Variants in SLC25A13 observed in about 807,000 individuals in gnomAD.
SLC25A13 encodes electrogenic aspartate/glutamate antiporter SLC25A13, mitochondrial.
A neutral mutation model predicts 85.5 loss-of-function variants in SLC25A13; 70 were observed. That is an observed-to-expected ratio of 0.82 (90% CI 0.68 to 1.00). The LOEUF is 1.00. Among genes scored for constraint, SLC25A13 ranks in the 50% least tolerant of loss-of-function variants. The pLI is 0.00. For missense variants in SLC25A13, 765 were observed against 819.8 expected, an observed-to-expected ratio of 0.93 and a Z score of 0.82; for synonymous variants, 259 against 288.7, an observed-to-expected ratio of 0.90 and a Z score of 1.04.
At position 96,263,026 on chromosome 7, in the gene SLC25A13, G is replaced by GAAA. The variant is rs5885951; in HGVS notation, c.212+14167_212+14169dup. ...TTCATCCTTTGGTCCAACCATCTAG[G>GAAA]AAAAAAAAAAAAAAAAAAACAGCAG... On this transcript the variant is annotated intron_variant, in intron 3 of 17. Coordinates refer to ENST00000265631, the MANE Select transcript of SLC25A13 (RefSeq NM_014251.3). Among the ~76,000 whole-genome samples the GAAA allele has an allele frequency of 1.3e-3, 173 of 133,250 alleles. 3 individuals are homozygous for GAAA. The highest frequency in any genetic ancestry group is 2.9e-3 in the Admixed American group (38 of 13,210). 87.4% of individuals were successfully genotyped at this position (133,250 alleles called of 152,430 possible).
At chr7:96,232,458 G>A (rs1249149855) in intron 4 of SLC25A13, among the ~76,000 whole-genome samples, 1 of 152,030 alleles carries the variant, frequency 6.6e-6, no homozygotes. Flanking sequence ...GAAGGTGGGA[G>A]GAGGGAGAGA....
At chr7:96,185,203 A>C (rs1259023194) in intron 9 of SLC25A13, among the ~76,000 whole-genome samples, 192 bp from the exon 10 acceptor site, 1 of 152,244 alleles carries the variant, frequency 6.6e-6, no homozygotes, top group East Asian at 1.9e-4. Context: ...TAGTGCTATT[A>C]ATGTTTAAAA....
intron 13 of SLC25A13, chr7:96,166,979 C>T (rs1336851315): frequency 6.6e-6 from 1 of 152,190 alleles, no homozygotes; most frequent in East Asian, 1.9e-4. Flanking sequence ...AACTACAACC[C>T]TAATTTAGAA....
chr7:96,136,775 C>T (rs942091009), intron 14 of SLC25A13, among the ~76,000 whole-genome samples: 1 of 152,168 alleles, frequency 6.6e-6, no homozygotes, highest in Non-Finnish European at 1.5e-5. Flanking sequence ...TCGGGCCGGG[C>T]ACCAGGAGCC....
At chr7:96,139,058 T>C (rs1321534708) in intron 14 of SLC25A13, among the ~76,000 whole-genome samples, 2 of 152,184 alleles carry the variant, frequency 1.3e-5, no homozygotes, top group African/African-American at 4.8e-5. Context: ...GAAAAGTTGA[T>C]AACAACTAAC....
intron 3 of SLC25A13, among the ~76,000 whole-genome samples, chr7:96,250,066 C>T (rs140307772): frequency 1.2e-3 from 175 of 152,010 alleles, no homozygotes; most frequent in African/African-American, 4.1e-3. Context: ...GCCTGTGATC[C>T]CAGCTAATCA....
chr7:96,170,154 T>C, intron 12 of SLC25A13, 29 bp from the exon 13 acceptor site: 2 of 1,588,206 alleles, frequency 1.3e-6, no homozygotes, highest in African/African-American at 1.3e-5. Flanking sequence ...TAGAAGCTGA[T>C]GAAAAATATA....
At chr7:96,223,775 G>A (rs868079372) in intron 4 of SLC25A13, among the ~76,000 whole-genome samples, 6 of 137,530 alleles carry the variant, frequency 4.4e-5, no homozygotes, top group African/African-American at 8.2e-5. Flanking sequence ...GCAACAGAGC[G>A]AGACTCCATC....
At chr7:96,128,958 C>CTCTCTCTCTG (rs1791879676) in intron 15 of SLC25A13, among the ~76,000 whole-genome samples, 1 of 148,192 alleles carries the variant, frequency 6.7e-6, no homozygotes, top group Non-Finnish European at 1.5e-5. Flanking sequence ...CTCTCTCTCT[C>CTCTCTCTCTG]TCTCTCTCTC....
chr7:96,294,610 G>GAAA (rs776263797), intron 2 of SLC25A13, among the ~76,000 whole-genome samples: 2 of 135,108 alleles, frequency 1.5e-5, no homozygotes, highest in Non-Finnish European at 3.1e-5. Context: ...CTCTGTCTCA[G>GAAA]AAAAAAAAAA....
At chr7:96,131,929 T>C (rs748352021) in intron 14 of SLC25A13, 48 bp from the exon 15 acceptor site, 34 of 1,612,768 alleles carry the variant, frequency 2.1e-5, no homozygotes, top group Non-Finnish European at 2.7e-5. Flanking sequence ...CATATCCCAT[T>C]GAGGAGATCA....
At chr7:96,226,301 C>T (rs916173407) in intron 4 of SLC25A13, among the ~76,000 whole-genome samples, 3 of 152,118 alleles carry the variant, frequency 2.0e-5, no homozygotes, top group Non-Finnish European at 4.4e-5. Flanking sequence ...TTATTTCACT[C>T]GTAGTGTCCT....
intron 1 of SLC25A13, among the ~76,000 whole-genome samples, chr7:96,314,115 G>A (rs1800046022): frequency 6.6e-6 from 1 of 151,760 alleles, no homozygotes; most frequent in Admixed American, 6.6e-5. Context: ...AGAAGGAGGA[G>A]GAAGAAGGAG....
intron 3 of SLC25A13, among the ~76,000 whole-genome samples, chr7:96,268,394 T>TA (rs985037824): frequency 6.6e-6 from 1 of 152,162 alleles, no homozygotes; most frequent in African/African-American, 2.4e-5. Flanking sequence ...ATCTAAAAGG[T>TA]ACAGTTCAGT....
Position 96,146,607 on chromosome 7 carries a change from T to G in SLC25A13, c.1401A>C (p.Arg467=). The change falls in exon 14 of 18, where the codon CGA becomes CGC. Residue 467 remains arginine, a synonymous_variant. Transcript: ENST00000265631. ...CCCGCACGACAGACAGAGCACTGAC[T>G]CGAGGACCAGTGGTGATTTCTCCTG... The part of the protein sequence containing the change: ...QVAGEITTGP[R]VSALSVVRDL... 2 of 1,613,706 alleles carry G rather than the reference T, an allele frequency of 1.2e-6. No individual in the cohort carries two copies. Among genetic ancestry groups the G allele is most frequent in the Non-Finnish European group, 1.7e-6 (2 of 1,179,950 alleles).
intron 2 of SLC25A13, among the ~76,000 whole-genome samples, chr7:96,289,881 C>T (rs1159332906): frequency 1.3e-5 from 2 of 152,100 alleles, no homozygotes; most frequent in African/African-American, 2.4e-5. Context: ...CAAGGCAGGC[C>T]AACATTCAAA....
intron 5 of SLC25A13, 130 bp from the exon 6 acceptor site, chr7:96,193,313 T>C: frequency 9.3e-7 from 1 of 1,071,426 alleles, no homozygotes; most frequent in Non-Finnish European, 1.4e-6. Flanking sequence ...CTCATCTGCC[T>C]AATAGCACCA....
chr7:96,162,140 T>C (rs1793530816), intron 13 of SLC25A13, among the ~76,000 whole-genome samples: 1 of 152,198 alleles, frequency 6.6e-6, no homozygotes, highest in Non-Finnish European at 1.5e-5. Flanking sequence ...AGGCTACGTA[T>C]CCACAGGAAA....
At chr7:96,132,142 A>G (rs1412403296) in intron 14 of SLC25A13, among the ~76,000 whole-genome samples, 2 of 152,232 alleles carry the variant, frequency 1.3e-5, no homozygotes, top group Non-Finnish European at 1.5e-5. Context: ...TAAGACTTCA[A>G]TTAAAACCTT....
Sources: allele counts gnomAD v4.1 joint callset (sites outside exome capture counted in the v4.1 genomes callset), GRCh38; gene constraint gnomAD v4.1.1; transcripts MANE v1.5; gene names NCBI Gene and HGNC (gene_info 2026-07-23, HGNC 2026-07-21).